The following WASHC3 variants were observed in gnomAD, a reference collection of about 807,000 sequenced individuals.
WASHC3 encodes WASH complex subunit CCDC53.
A neutral mutation model predicts 26.1 loss-of-function variants in WASHC3; 24 were observed. That is an observed-to-expected ratio of 0.92 (90% CI 0.66 to 1.29). The LOEUF is 1.29. Ranked by LOEUF, WASHC3 falls within the 50% of genes most tolerant of loss-of-function variation. WASHC3 has a pLI of 0.00. For synonymous variants in WASHC3, 77 were observed against 75.7 expected (o/e 1.02, Z -0.09); for missense variants, 214 against 229.6 (o/e 0.93, Z 0.44).
intron 6 of WASHC3, among the ~76,000 whole-genome samples, chr12:102,023,937 G>A (rs184180974): frequency 1.3e-5 from 2 of 152,270 alleles, no homozygotes; most frequent in East Asian, 3.9e-4. Flanking sequence ...AAATGTTGAA[G>A]GGCCTGGGAT....
chr12:102,061,328 T>C lies in WASHC3; in HGVS notation c.70A>G (p.Lys24Glu). 1 of 1,613,262 alleles carries C rather than the reference T, an allele frequency of 6.2e-7. No homozygotes were observed. The highest frequency in any genetic ancestry group is 8.5e-7 in the Non-Finnish European group (1 of 1,179,246). Residue 24 changes from lysine to glutamate, a missense_variant, in exon 2 of 7, where the codon AAA becomes GAA. By Grantham distance (56) the Lys-to-Glu change is moderately conservative. Transcript: ENST00000240079. ...TGGTTTAGAAAAGCCACCGTTCTTTTCTGTTGAATAGCTGGCACCTGTGTT... is the reference window on the plus strand; with the variant it reads ...TGGTTTAGAAAAGCCACCGTTCTTTCCTGTTGAATAGCTGGCACCTGTGTT... ...DLTKVPAIQQKRTVAFLNQFV... is the reference protein window; with the variant it reads ...DLTKVPAIQQERTVAFLNQFV...
chr12:102,031,822 C>T (rs111454231), intron 5 of WASHC3, among the ~76,000 whole-genome samples: 180 of 152,120 alleles, frequency 1.2e-3, no homozygotes, highest in African/African-American at 3.9e-3. Context: ...GAAATCACAT[C>T]GTTATTAAGC....
At chr12:102,051,734 T>C (rs1238280780) in intron 2 of WASHC3, among the ~76,000 whole-genome samples, 2 of 152,250 alleles carry the variant, frequency 1.3e-5, no homozygotes, top group East Asian at 3.8e-4. Flanking sequence ...ATATGTTGAA[T>C]GAATGAATGA....
chr12:102,019,150 T>C (rs1227291113), intron 6 of WASHC3: 1 of 160,760 alleles, frequency 6.2e-6, no homozygotes, highest in Non-Finnish European at 1.4e-5. Context: ...AAAGAAAAAG[T>C]GCATACTAGT....
chr12:102,060,242 C>A (rs1878748353), intron 2 of WASHC3, among the ~76,000 whole-genome samples: 1 of 152,178 alleles, frequency 6.6e-6, no homozygotes, highest in Non-Finnish European at 1.5e-5. Context: ...TTGTCTTCCC[C>A]ATCCTCTTTT....
At chr12:102,034,525 T>C (rs536689444) in intron 5 of WASHC3, among the ~76,000 whole-genome samples, 2 of 152,276 alleles carry the variant, frequency 1.3e-5, no homozygotes, top group Admixed American at 6.5e-5. Flanking sequence ...TGATAACTTA[T>C]GACATTAGAA....
At chr12:102,041,932 A>C (rs1249894814) in intron 4 of WASHC3, among the ~76,000 whole-genome samples, 1 of 152,112 alleles carries the variant, frequency 6.6e-6, no homozygotes, top group Non-Finnish European at 1.5e-5. Flanking sequence ...GATTACTGGT[A>C]ATCAATTTTT....
At chr12:102,025,893 A>T in intron 6 of WASHC3, 81 bp downstream of exon 6, 1 of 757,046 alleles carries the variant, frequency 1.3e-6, no homozygotes, top group Non-Finnish European at 2.2e-6. Context: ...ATAAAAATAC[A>T]GAGAATTTGA....
intron 5 of WASHC3, among the ~76,000 whole-genome samples, chr12:102,037,316 T>C (rs1877706131): frequency 6.6e-6 from 1 of 152,124 alleles, no homozygotes; most frequent in Non-Finnish European, 1.5e-5. Context: ...TATAACTTTG[T>C]AGGGAAGAGA....
intron 6 of WASHC3, among the ~76,000 whole-genome samples, chr12:102,018,536 G>T (rs140903635): frequency 6.6e-6 from 1 of 151,168 alleles, no homozygotes; most frequent in Non-Finnish European, 1.5e-5. Flanking sequence ...GCAGTGGCAC[G>T]GTCAGAGCTC....
At chr12:102,019,120 T>C (rs1278785937) in intron 6 of WASHC3, among the ~76,000 whole-genome samples, 1 of 152,044 alleles carries the variant, frequency 6.6e-6, no homozygotes, top group Non-Finnish European at 1.5e-5. Flanking sequence ...GTTCAAAAAA[T>C]TGGAATTGCC....
At chr12:102,042,044 G>A (rs997886043) in intron 4 of WASHC3, among the ~76,000 whole-genome samples, 30 of 152,098 alleles carry the variant, frequency 2.0e-4, no homozygotes, top group Non-Finnish European at 2.9e-4. Context: ...AATAATCAAA[G>A]TTAGACAGGT....
intron 4 of WASHC3, among the ~76,000 whole-genome samples, chr12:102,043,112 A>AG (rs1425998506): frequency 6.6e-6 from 1 of 152,174 alleles, no homozygotes; most frequent in Non-Finnish European, 1.5e-5. Flanking sequence ...CAGATCACCT[A>AG]GGGGTCTTGT....
Position 102,059,205 on chromosome 12 carries a change from C to CA in WASHC3, c.150+2042dup, listed in dbSNP as rs1229812823. ...GAGGCGATTTTAAGTGTGCTCACCA[C>CA]AAAAAAAAGTAAGTACGTGAGGCAT... On this transcript the variant is annotated intron_variant, in intron 2 of 6. Transcript: ENST00000240079. Among the ~76,000 whole-genome samples the CA allele has an allele frequency of 7.3e-5, 11 of 151,660 alleles. No homozygotes were observed. In the East Asian group the frequency reaches 1.7e-3, roughly 24 times the overall value.
intron 5 of WASHC3, among the ~76,000 whole-genome samples, chr12:102,033,540 T>C (rs1221554883): frequency 1.3e-5 from 2 of 152,202 alleles, no homozygotes; most frequent in South Asian, 2.1e-4. Flanking sequence ...CAGTAACTAA[T>C]ATTTTTAAAT....
intron 2 of WASHC3, among the ~76,000 whole-genome samples, chr12:102,060,862 G>C (rs990757750): frequency 6.7e-6 from 1 of 148,616 alleles, no homozygotes; most frequent in Admixed American, 6.8e-5. Context: ...GGCTGAGGCA[G>C]GAGAATCGCT....
intron 5 of WASHC3, among the ~76,000 whole-genome samples, chr12:102,034,780 A>AGTG (rs1877581139): frequency 1.2e-5 from 1 of 86,496 alleles, no homozygotes; most frequent in Non-Finnish European, 2.3e-5. Context: ...GCCTAAAAAA[A>AGTG]AGTGTGTGTG....
chr12:102,027,114 T>A (rs11111137), intron 5 of WASHC3, among the ~76,000 whole-genome samples: 27,882 of 152,190 alleles, frequency 0.18, 2,622 homozygotes, highest in Non-Finnish European at 0.21. Context: ...CATGTACACA[T>A]TGAGGAATAA....
intron 6 of WASHC3, among the ~76,000 whole-genome samples, chr12:102,021,801 T>C (rs1876970963): frequency 6.6e-6 from 1 of 151,952 alleles, no homozygotes; most frequent in Non-Finnish European, 1.5e-5. Context: ...GGAATGATCT[T>C]AGAGGGCAGG....
Sources: gnomAD v4.1 joint callset for allele counts (sites outside exome capture counted in the v4.1 genomes callset) on GRCh38, gnomAD v4.1.1 for gene constraint, MANE v1.5 for transcripts, NCBI Gene and HGNC (gene_info 2026-07-23, HGNC 2026-07-21) for gene names.